HMGXB3: variants seen among roughly 807,000 people sequenced by gnomAD.
The protein encoded by HMGXB3 is HMG-box containing 3, also known as HMG domain-containing protein 3.
Under a neutral mutation model 121.5 loss-of-function variants are expected in HMGXB3, and 45 were observed. The ratio of observed to expected loss-of-function variants is 0.37; its 90% CI spans 0.29 to 0.47. The LOEUF (loss-of-function observed/expected upper bound fraction) is 0.47. Among genes scored for constraint, HMGXB3 ranks in the 20% least tolerant of loss-of-function variants. The pLI is 0.99. For synonymous variants in HMGXB3, 590 were observed against 624.1 expected (o/e 0.95, Z 0.81); for missense variants, 1,376 against 1,602.2 (o/e 0.86, Z 2.41).
At chr5:150,016,719 AAG>A (rs1230111525) in intron 5 of HMGXB3, among the ~76,000 whole-genome samples, 61 of 152,324 alleles carry the variant, frequency 4.0e-4, no homozygotes, top group African/African-American at 1.4e-3. Context: ...CTGTCTTTAA[AAG>A]AGGTGGTTTA....
intron 19 of HMGXB3, among the ~76,000 whole-genome samples, chr5:150,050,775 C>T (rs1465567826): frequency 1.3e-5 from 2 of 152,212 alleles, no homozygotes; most frequent in Non-Finnish European, 1.5e-5. Flanking sequence ...GCCACCACGC[C>T]CAGCCTACTC....
intron 4 of HMGXB3, among the ~76,000 whole-genome samples, chr5:150,011,602 TGG>T (rs377165575): frequency 2.2e-4 from 30 of 133,572 alleles, no homozygotes; most frequent in African/African-American, 1.1e-3. Context: ...TGTTTTTTTT[TGG>T]TTTTTTTTTT....
Position 150,045,631 on chromosome 5 carries a change from G to T in HMGXB3, c.2896G>T (p.Ala966Ser). The T allele has an allele frequency of 6.4e-7, 1 of 1,551,824 alleles. No homozygotes were observed. Among genetic ancestry groups the T allele is most frequent in the Non-Finnish European group, 8.7e-7 (1 of 1,147,028 alleles). ...APFFPPLMRG[A>S]VVVNTEKDKN... The stretch of plus-strand genomic sequence containing the variant: ...CTTCTTCCCACCACTCATGAGAGGA[G>T]CTGTGGTCGTCAACACTGAGAAAGA... Residue 966 changes from alanine to serine, a missense_variant, in exon 16 of 20, where the codon GCT (alanine) becomes TCT (serine). Physicochemically the swap from Ala to Ser is moderately conservative, Grantham distance 99. This residue lies in a region of HMGXB3 where 1,116 missense variants were observed against 1,369.0 expected (regional missense o/e 0.82). Transcript: ENST00000502717.
chr5:150,027,571 G>A (rs1226953702), intron 9 of HMGXB3, among the ~76,000 whole-genome samples: 1 of 148,194 alleles, frequency 6.7e-6, no homozygotes, highest in Non-Finnish European at 1.5e-5. Flanking sequence ...TTTTTTTGGT[G>A]GCAGTGTCTC....
chr5:150,020,746 C>CTTTT (rs34111560), intron 6 of HMGXB3, among the ~76,000 whole-genome samples: 6,621 of 135,164 alleles, frequency 0.049, 514 homozygotes, highest in African/African-American at 0.16. Flanking sequence ...ACTGAAACAG[C>CTTTT]TTTTTTTTTT....
intron 12 of HMGXB3, 113 bp from the exon 13 acceptor site, chr5:150,037,287 G>C: frequency 1.8e-6 from 2 of 1,087,652 alleles, no homozygotes; most frequent in Non-Finnish European, 2.5e-6. Flanking sequence ...TACCTACCTA[G>C]AAAATCCTAA....
At chr5:150,026,614 C>A in intron 7 of HMGXB3, 92 bp from the exon 8 acceptor site, 1 of 1,114,258 alleles carries the variant, frequency 9.0e-7, no homozygotes. Context: ...AACCCCAATA[C>A]TATCCTCTAA....
chr5:150,041,610 G>A (rs1010460083), intron 14 of HMGXB3, among the ~76,000 whole-genome samples, 175 bp from the exon 15 acceptor site: 2 of 152,222 alleles, frequency 1.3e-5, no homozygotes, highest in African/African-American at 4.8e-5. Flanking sequence ...TCTTTGGGTT[G>A]CCACCTGAGC....
chr5:150,045,384 G>C, intron 15 of HMGXB3, 82 bp from the exon 16 acceptor site: 1 of 1,174,652 alleles, frequency 8.5e-7, no homozygotes, highest in East Asian at 2.6e-5. Context: ...GCTTCCCTGT[G>C]TGTATAATGA....
chr5:150,028,450 A>G (rs966222663), intron 9 of HMGXB3, among the ~76,000 whole-genome samples: 30 of 141,968 alleles, frequency 2.1e-4, no homozygotes, highest in East Asian at 1.0e-3. Context: ...ATGTGTGTGT[A>G]TATATATATG....
chr5:150,012,482 A>G, intron 5 of HMGXB3, 129 bp downstream of exon 5: 1 of 679,472 alleles, frequency 1.5e-6, no homozygotes, highest in South Asian at 1.7e-5. Flanking sequence ...AAGTCTTAGA[A>G]CCTCAGGATG....
chr5:150,002,087 T>TAACA (rs1755585610), intron 1 of HMGXB3, among the ~76,000 whole-genome samples: 2 of 152,220 alleles, frequency 1.3e-5, no homozygotes. Flanking sequence ...TTTTCTTTGT[T>TAACA]AGTTTAGTTT....
chr5:150,041,203 T>TC (rs2113757758), intron 14 of HMGXB3, among the ~76,000 whole-genome samples: 1 of 152,346 alleles, frequency 6.6e-6, no homozygotes, highest in South Asian at 2.1e-4. Context: ...GATATCTGCT[T>TC]CCAGTCCCAA....
intron 5 of HMGXB3, among the ~76,000 whole-genome samples, chr5:150,014,208 T>C (rs1755909326): frequency 6.6e-6 from 1 of 152,216 alleles, no homozygotes; most frequent in Non-Finnish European, 1.5e-5. Flanking sequence ...AGACCTCGGT[T>C]ACTAACACCT....
At position 150,040,697 on chromosome 5, in the gene HMGXB3, G is replaced by A; in HGVS notation, c.2414-51G>A. On this transcript the variant is annotated intron_variant, in intron 13 of 19. Transcript: ENST00000502717. ...CCAGCTGGTGTGTATTCTATTTTTT[G>A]CCATTGTGTATGATACATTAATTTC... The A allele has an allele frequency of 2.0e-6, 3 of 1,517,248 alleles. No homozygotes were observed. The South Asian group carries it at 3.8e-5, about 19-fold the overall frequency. The allele number at this position is 1,517,248 out of a possible 1,614,324, so 94.0% of individuals were successfully genotyped here.
chr5:150,044,268 C>T (rs1561885013), intron 15 of HMGXB3, among the ~76,000 whole-genome samples: 1 of 152,038 alleles, frequency 6.6e-6, no homozygotes, highest in African/African-American at 2.4e-5. Context: ...CTTGTCAGCC[C>T]CTCTCTCGGA....
intron 15 of HMGXB3, among the ~76,000 whole-genome samples, chr5:150,044,037 A>G (rs1295536959): frequency 2.0e-5 from 3 of 152,168 alleles, no homozygotes; most frequent in Admixed American, 6.5e-5. Context: ...TCCTGTCCCA[A>G]TCAAGGCTCC....
intron 4 of HMGXB3, among the ~76,000 whole-genome samples, 195 bp from the exon 5 acceptor site, chr5:150,012,060 C>T (rs1437167240): frequency 6.6e-6 from 1 of 152,246 alleles, no homozygotes; most frequent in Non-Finnish European, 1.5e-5. Context: ...AAACATAGCA[C>T]ACTTCCTGTG....
intron 4 of HMGXB3, among the ~76,000 whole-genome samples, chr5:150,011,592 TG>T (rs1157144313): frequency 7.4e-5 from 10 of 135,380 alleles, no homozygotes; most frequent in African/African-American, 3.7e-4. Context: ...TGTTGTTGGT[TG>T]TTTTTTTTTG....
Sources: allele counts gnomAD v4.1 joint callset (sites outside exome capture counted in the v4.1 genomes callset), GRCh38; gene constraint gnomAD v4.1.1; regional missense constraint gnomAD v4.1.1; transcripts MANE v1.5; gene names NCBI Gene and HGNC (gene_info 2026-07-23, HGNC 2026-07-21).